Variants in RBM26 observed in about 807,000 individuals in gnomAD.
The protein encoded by RBM26 is RNA binding motif protein 26.
Under a neutral mutation model 123.6 loss-of-function variants are expected in RBM26, and 30 were observed. That is an observed-to-expected ratio of 0.24 (90% CI 0.18 to 0.33). RBM26 has a LOEUF of 0.33. Among genes scored for constraint, RBM26 ranks in the 10% least tolerant of loss-of-function variants. RBM26 has a pLI of 1.00. For missense variants in RBM26, 947 were observed against 1,203.6 expected (o/e 0.79, Z 3.15); for synonymous variants, 400 against 404.4 (o/e 0.99, Z 0.13).
chr13:79,344,813 C>T lies in RBM26; in HGVS notation c.2059-19G>A, dbSNP rs777641362. 3.1e-6 allele frequency: 5 copies of T among 1,606,198 alleles called. No individual in the cohort carries two copies. The South Asian group carries it at 3.4e-5, about 11-fold the overall frequency. On this transcript the variant is annotated intron_variant, in intron 14 of 21. Coordinates refer to ENST00000438737, the MANE Select transcript of RBM26 (RefSeq NM_001366735.2). ...ACAACACCTACCAATACAAATTCAA[C>T]TTTTAAAAATATATATCAGCCGTTC...
intron 9 of RBM26, among the ~76,000 whole-genome samples, chr13:79,365,216 G>T (rs573435517): frequency 1.3e-5 from 2 of 152,316 alleles, no homozygotes; most frequent in African/African-American, 4.8e-5. Flanking sequence ...GCCAAGGCGG[G>T]CGGATCACTT....
chr13:79,388,017 A>G (rs1023935224), intron 1 of RBM26, among the ~76,000 whole-genome samples: 3 of 152,200 alleles, frequency 2.0e-5, no homozygotes, highest in Admixed American at 2.0e-4. Context: ...GCTTCTAATT[A>G]CCAACATTAT....
intron 16 of RBM26, among the ~76,000 whole-genome samples, 161 bp from the exon 17 acceptor site, chr13:79,342,992 A>G (rs1279361921): frequency 2.9e-5 from 3 of 102,634 alleles, no homozygotes; most frequent in Admixed American, 2.3e-4. Context: ...ATCGCAGAAT[A>G]GCAGATTTGG....
chr13:79,323,109 A>G (rs944222511), intron 20 of RBM26, among the ~76,000 whole-genome samples: 3 of 151,564 alleles, frequency 2.0e-5, no homozygotes, highest in East Asian at 3.9e-4. Context: ...CCAAACTTTT[A>G]TAACTGAATA....
intron 8 of RBM26, 156 bp from the exon 9 acceptor site, chr13:79,365,874 T>C: frequency 1.0e-6 from 1 of 954,908 alleles, no homozygotes; most frequent in Non-Finnish European, 1.5e-6. Flanking sequence ...AAAAAGTTAT[T>C]AAAAAGAAAA....
intron 3 of RBM26, among the ~76,000 whole-genome samples, chr13:79,373,458 T>C (rs2076277528): frequency 7.3e-5 from 2 of 27,428 alleles, no homozygotes; most frequent in Non-Finnish European, 1.4e-4. Context: ...TATATAAATA[T>C]ATATAATATG....
Position 79,344,744 on chromosome 13 carries a change from A to T in RBM26, c.2109T>A (p.Ala703=). The change falls in exon 15 of 22, where the codon GCT becomes GCA. Residue 703 remains alanine, a synonymous_variant. Transcript: ENST00000438737. ...GLTKTVYNPA[A]LKAAQKTLLV... is the part of the protein sequence containing the mutation. ...GTAAGGTTTTCTGTGCAGCCTTCAA[A>T]GCAGCTGGATTATACACTGTTTTTG... The T allele has an allele frequency of 1.2e-6, 2 of 1,613,344 alleles. No homozygotes were observed. The highest frequency in any genetic ancestry group is 1.7e-6 in the Non-Finnish European group (2 of 1,179,488).
downstream of RBM26, among the ~76,000 whole-genome samples, chr13:79,318,173 A>T (rs1321391918): frequency 6.6e-6 from 1 of 151,476 alleles, no homozygotes; most frequent in Non-Finnish European, 1.5e-5. Context: ...CTTTGAGGCA[A>T]GAACTACCAT....
rs759068474 is a variant in RBM26, at chr13:79,378,765, G to A, written c.190+24C>T. 8 of 1,388,748 alleles carry A rather than the reference G, an allele frequency of 5.8e-6. No homozygotes were observed. The East Asian group carries it at 1.6e-4, about 28-fold the overall frequency. 86.0% of individuals were successfully genotyped at this position (1,388,748 alleles called of 1,614,324 possible). A position where few individuals can be genotyped will look rare whatever the true frequency, so the allele number is the denominator to read the frequency against. ...TTAAATAACTTTTTAAAATATAGTAGTATTTTTAAACCAAAGATCTTACCT... is the reference window on the plus strand; with the variant it reads ...TTAAATAACTTTTTAAAATATAGTAATATTTTTAAACCAAAGATCTTACCT... On this transcript the variant is annotated intron_variant, in intron 2 of 21. Coordinates refer to ENST00000438737, the MANE Select transcript of RBM26 (RefSeq NM_001366735.2).
At chr13:79,391,924 T>C (rs2078032047) in intron 1 of RBM26, among the ~76,000 whole-genome samples, 1 of 147,582 alleles carries the variant, frequency 6.8e-6, no homozygotes, top group Admixed American at 6.8e-5. Context: ...ATATAATACG[T>C]AACACTATAT....
chr13:79,388,443 C>T (rs2077668562), intron 1 of RBM26, among the ~76,000 whole-genome samples: 3 of 152,182 alleles, frequency 2.0e-5, no homozygotes, highest in Non-Finnish European at 4.4e-5. Flanking sequence ...CTGTTTTAAC[C>T]TTCCCCACAT....
chr13:79,386,338 G>A (rs1196118510), intron 1 of RBM26, among the ~76,000 whole-genome samples: 2 of 151,112 alleles, frequency 1.3e-5, no homozygotes, highest in African/African-American at 4.9e-5. Context: ...CACCATGAAA[G>A]GCTCTCAGGA....
At chr13:79,326,373 T>C (rs191413896) in intron 20 of RBM26, among the ~76,000 whole-genome samples, 4 of 152,294 alleles carry the variant, frequency 2.6e-5, no homozygotes, top group Non-Finnish European at 2.9e-5. Context: ...AGGAACACCA[T>C]GTTTAAATGT....
chr13:79,332,332 T>C (rs2069572608), intron 20 of RBM26, among the ~76,000 whole-genome samples: 2 of 152,196 alleles, frequency 1.3e-5, no homozygotes, highest in African/African-American at 4.8e-5. Flanking sequence ...TATTCTTCCC[T>C]GGCAAAATAA....
exon 5 of RBM26, chr13:79,311,867 T>TA (rs2066907561): frequency 6.6e-6 from 1 of 152,048 alleles, no homozygotes; most frequent in African/African-American, 2.4e-5. Flanking sequence ...TTTCAAAATA[T>TA]AAAAATAATA....
At chr13:79,388,713 G>GC (rs1173565277) in intron 1 of RBM26, among the ~76,000 whole-genome samples, 1 of 152,150 alleles carries the variant, frequency 6.6e-6, no homozygotes, top group Non-Finnish European at 1.5e-5. Context: ...ACTGGTAACT[G>GC]CAAGTTTATA....
At chr13:79,348,707 C>T (rs2072720577) in intron 14 of RBM26, among the ~76,000 whole-genome samples, 1 of 152,092 alleles carries the variant, frequency 6.6e-6, no homozygotes, top group South Asian at 2.1e-4. Context: ...AAGTAGTCAC[C>T]TGTTCAGTAA....
At chr13:79,339,576 T>C (rs1046445984) in intron 18 of RBM26, among the ~76,000 whole-genome samples, 1 of 152,080 alleles carries the variant, frequency 6.6e-6, no homozygotes, top group African/African-American at 2.4e-5. Context: ...ATAATAAATT[T>C]TGAAGCTCAA....
At chr13:79,373,384 TA>T (rs1159714668) in intron 3 of RBM26, among the ~76,000 whole-genome samples, 28 of 94,272 alleles carry the variant, frequency 3.0e-4, no homozygotes, top group Admixed American at 7.1e-4. Context: ...ATATTATATA[TA>T]AATATATATA....
Sources: allele counts gnomAD v4.1 joint callset (sites outside exome capture counted in the v4.1 genomes callset), GRCh38; gene constraint gnomAD v4.1.1; transcripts MANE v1.5; gene names NCBI Gene and HGNC (gene_info 2026-07-23, HGNC 2026-07-21).